Variants in EPS15 observed in about 807,000 individuals in gnomAD.
EPS15 encodes the protein epidermal growth factor receptor substrate 15.
In EPS15, 72 loss-of-function variants were observed where a neutral mutation model predicts 113.8. The observed-to-expected ratio is 0.63, with a 90% CI of 0.52 to 0.77. The LOEUF (loss-of-function observed/expected upper bound fraction) is 0.77. EPS15 is among the 30% of genes least tolerant of loss of function. The pLI, the probability that EPS15 is intolerant of heterozygous loss-of-function variation, is 0.00. For missense variants in EPS15, 1,048 were observed against 1,045.8 expected (o/e 1.00, Z -0.03); for synonymous variants, 344 against 363.4 (o/e 0.95, Z 0.61).
intron 18 of EPS15, 76 bp downstream of exon 18, chr1:51,402,359 G>A: frequency 1.4e-6 from 1 of 733,606 alleles, no homozygotes; most frequent in Non-Finnish European, 2.2e-6. Context: ...TGAAACTGAA[G>A]CCTTGAATCC....
intron 1 of EPS15, among the ~76,000 whole-genome samples, chr1:51,497,830 C>T (rs756497319): frequency 1.3e-5 from 2 of 151,714 alleles, no homozygotes; most frequent in South Asian, 2.1e-4. Flanking sequence ...TACAAAAATT[C>T]GCTGGGCATG....
At chr1:51,467,711 G>A (rs947372713) in intron 5 of EPS15, among the ~76,000 whole-genome samples, 1 of 152,058 alleles carries the variant, frequency 6.6e-6, no homozygotes, top group Non-Finnish European at 1.5e-5. Context: ...CCAGATCAGC[G>A]GTGGCATTAG....
At chr1:51,405,766 G>T in intron 16 of EPS15, 139 bp downstream of exon 16, 1 of 678,032 alleles carries the variant, frequency 1.5e-6, no homozygotes, top group South Asian at 1.8e-5. Flanking sequence ...TTTGGATTAG[G>T]ACTCTCTGCT....
chr1:51,408,631 T>C (rs1408903390), intron 14 of EPS15, among the ~76,000 whole-genome samples: 2 of 151,936 alleles, frequency 1.3e-5, no homozygotes, highest in Non-Finnish European at 2.9e-5. Context: ...GTTGATGTTT[T>C]ATTTTTTTGA....
intron 1 of EPS15, among the ~76,000 whole-genome samples, chr1:51,497,908 C>T (rs1644352402): frequency 6.7e-6 from 1 of 149,124 alleles, no homozygotes; most frequent in South Asian, 2.1e-4. Flanking sequence ...ACGCAGGAGG[C>T]AGAGGTTGCA....
At chr1:51,416,302 A>G (rs555135779) in intron 13 of EPS15, among the ~76,000 whole-genome samples, 57 of 152,280 alleles carry the variant, frequency 3.7e-4, no homozygotes, top group Non-Finnish European at 1.9e-4. Flanking sequence ...ATGCTTTCCT[A>G]GTTCTGCTTT....
chr1:51,514,919 A>G (rs535462278), intron 1 of EPS15, among the ~76,000 whole-genome samples: 7 of 152,326 alleles, frequency 4.6e-5, no homozygotes, highest in African/African-American at 1.2e-4. Flanking sequence ...AGGAACTCAA[A>G]TATCTGTCAT....
intron 10 of EPS15, among the ~76,000 whole-genome samples, chr1:51,445,923 G>A (rs1464272822): frequency 2.0e-5 from 3 of 152,198 alleles, no homozygotes; most frequent in East Asian, 3.8e-4. Context: ...ATAACATTAA[G>A]CCCGTGACAA....
intron 6 of EPS15, 63 bp downstream of exon 6, chr1:51,465,198 G>T: frequency 1.0e-6 from 1 of 1,003,222 alleles, no homozygotes; most frequent in Middle Eastern, 2.1e-4. Context: ...ATATTTCAGA[G>T]GTAGAGAGAG....
intron 13 of EPS15, among the ~76,000 whole-genome samples, chr1:51,411,355 A>T (rs1020574408): frequency 3.9e-5 from 6 of 152,188 alleles, no homozygotes; most frequent in African/African-American, 1.4e-4. Context: ...TTTGATGAGT[A>T]TCATCAACTC....
intron 1 of EPS15, among the ~76,000 whole-genome samples, chr1:51,487,034 A>G (rs1464050390): frequency 6.6e-6 from 1 of 152,202 alleles, no homozygotes; most frequent in Non-Finnish European, 1.5e-5. Flanking sequence ...ATTTTTCCTG[A>G]GCTAACTGGG....
chr1:51,387,354 A>G (rs1647110551), intron 21 of EPS15, among the ~76,000 whole-genome samples: 1 of 152,208 alleles, frequency 6.6e-6, no homozygotes, highest in South Asian at 2.1e-4. Context: ...AGTACCAGCC[A>G]CTGCAAAATC....
chr1:51,356,774 G>A lies in EPS15; in HGVS notation c.2617C>T (p.Arg873Ter), dbSNP rs770815134. 9 of 1,613,568 alleles carry A rather than the reference G, an allele frequency of 5.6e-6. No homozygotes were observed. The highest frequency in any genetic ancestry group is 2.2e-5 in the East Asian group (1 of 44,876). Residue 873 changes from arginine to a stop codon, truncating the protein, a stop_gained, in exon 25 of 25, where the codon CGA becomes TGA. Coordinates refer to ENST00000371733, the MANE Select transcript of EPS15 (RefSeq NM_001981.3). LOFTEE classifies it high-confidence loss of function. The part of the protein sequence containing the change: ...SEREEEQRLA[R>*]LNQQEQEDLE... ...TCTTCTTGTTCCTGCTGATTTAGTC[G>A]GGCAAGCCTCTGCTCTTCCTCTCTC... is the stretch of plus-strand genomic sequence containing the variant.
chr1:51,500,570 C>T (rs1644394393), intron 1 of EPS15, among the ~76,000 whole-genome samples: 1 of 152,116 alleles, frequency 6.6e-6, no homozygotes, highest in Admixed American at 6.5e-5. Flanking sequence ...CTCTAGAGAG[C>T]AGTGGCATAA....
At chr1:51,473,087 A>G in intron 2 of EPS15, 139 bp from the exon 3 acceptor site, 1 of 670,518 alleles carries the variant, frequency 1.5e-6, no homozygotes, top group Non-Finnish European at 2.7e-6. Flanking sequence ...CCATGGGCCA[A>G]AGAATATGTG....
chr1:51,409,768 C>T (rs1649526037), intron 13 of EPS15, 72 bp from the exon 14 acceptor site: 2 of 1,033,640 alleles, frequency 1.9e-6, no homozygotes, highest in South Asian at 1.4e-5. Context: ...AATTTTAAAT[C>T]TACCTTAAGA....
chr1:51,486,675 C>A (rs540639885), intron 1 of EPS15, among the ~76,000 whole-genome samples: 1 of 152,086 alleles, frequency 6.6e-6, no homozygotes, highest in East Asian at 1.9e-4. Flanking sequence ...TTATAATTTT[C>A]TTTTCTTTTT....
intron 12 of EPS15, among the ~76,000 whole-genome samples, chr1:51,434,946 A>C (rs531069322): frequency 6.6e-6 from 1 of 152,258 alleles, no homozygotes; most frequent in South Asian, 2.1e-4. Flanking sequence ...TGCTGGGATT[A>C]CAGGCATGAG....
chr1:51,360,947 G>C lies in EPS15; in HGVS notation c.2544+224C>G, dbSNP rs147459888. Among the ~76,000 whole-genome samples, 618 of 152,256 alleles carry C rather than the reference G, an allele frequency of 4.1e-3. 6 individuals are homozygous for C. The highest frequency in any genetic ancestry group is 0.014 in the African/African-American group (601 of 41,548). ...GAGAAAGATTTACAAAACAACTTGT[G>C]TATATGACAAGAACTGGGACTACTA... On this transcript the variant is annotated intron_variant, in intron 24 of 24. Transcript: ENST00000371733.
Sources: allele counts gnomAD v4.1 joint callset (sites outside exome capture counted in the v4.1 genomes callset), GRCh38; gene constraint gnomAD v4.1.1; transcripts MANE v1.5; gene names NCBI Gene and HGNC (gene_info 2026-07-23, HGNC 2026-07-21).